The following SPDYE5 variants were observed in gnomAD, a reference collection of about 807,000 sequenced individuals.
SPDYE5 encodes speedy protein E5.
A neutral mutation model predicts 48.5 loss-of-function variants in SPDYE5; 15 were observed. That is an observed-to-expected ratio of 0.31 (90% CI 0.21 to 0.48). The LOEUF (loss-of-function observed/expected upper bound fraction) is 0.48, where lower values mean the gene tolerates loss of function less well. Among genes scored for constraint, SPDYE5 ranks in the 20% least tolerant of loss-of-function variants. The pLI is 0.99. For synonymous variants in SPDYE5, 116 were observed against 200.7 expected (o/e 0.58, Z 3.57); for missense variants, 331 against 549.1 (o/e 0.60, Z 3.97).
chr7:75,495,420 A>G (rs1365525851), intron 3 of SPDYE5, 46 bp downstream of exon 3: 4 of 1,592,000 alleles, frequency 2.5e-6, no homozygotes, highest in East Asian at 4.5e-5. Context: ...TTCTTTCTAA[A>G]AAGAGGAAAC....
chr7:75,501,785 T>A (rs1170267066), intron 7 of SPDYE5, 30 bp downstream of exon 7: 4 of 1,583,854 alleles, frequency 2.5e-6, no homozygotes, highest in Non-Finnish European at 3.4e-6. Flanking sequence ...GTGGAGGAGG[T>A]GGGGAGGAAT....
intron 3 of SPDYE5, among the ~76,000 whole-genome samples, chr7:75,495,981 G>A (rs587716196): frequency 7.1e-6 from 1 of 141,694 alleles, no homozygotes; most frequent in East Asian, 2.1e-4. Flanking sequence ...TTTGAGCCAA[G>A]ATAGCGCCAC....
intron 8 of SPDYE5, 137 bp downstream of exon 8, chr7:75,502,119 C>T: frequency 3.6e-6 from 4 of 1,097,118 alleles, no homozygotes; most frequent in Non-Finnish European, 5.1e-6. Flanking sequence ...AAAAATTAGC[C>T]AGGCGATGTG....
chr7:75,491,744 G>A (rs1319791090), upstream of SPDYE5, among the ~76,000 whole-genome samples: 7 of 110,392 alleles, frequency 6.3e-5, no homozygotes, highest in Non-Finnish European at 1.0e-4. Context: ...ATGGTGTCTC[G>A]CTCTGTCACC....
rs1255250525 is a variant in SPDYE5 at position 75,502,079 on chromosome 7, C to T, written c.*45+97C>T. 499 of 1,402,046 alleles carry T rather than the reference C, an allele frequency of 3.6e-4. 1 individual carries two copies. Among genetic ancestry groups the T allele is most frequent in the East Asian group, 7.3e-5 (3 of 41,000 alleles). The allele number at this position is 1,402,046 out of a possible 1,614,324, so 86.9% of individuals were successfully genotyped here. A position where few individuals can be genotyped will look rare whatever the true frequency, so the allele number is the denominator to read the frequency against. ...TTGATCCGGCTTCAAGCCTGGGCAA[C>T]GTGGCGAGATCCCCTCTCCACAAAA... On this transcript the variant is annotated intron_variant, in intron 8 of 8. Coordinates refer to ENST00000625065, the MANE Select transcript of SPDYE5 (RefSeq NM_001306141.4).
At chr7:75,495,404 A>G (rs782381783) in intron 3 of SPDYE5, 30 bp downstream of exon 3, 138 of 1,596,874 alleles carry the variant, frequency 8.6e-5, no homozygotes, top group Non-Finnish European at 1.1e-4. Context: ...AGCACCTCCA[A>G]TCCTGTTCTT....
rs1281089217 is a variant in SPDYE5 at position 75,503,096 on chromosome 7, A to T, written c.*309A>T. 183 of 521,702 alleles carry T rather than the reference A, an allele frequency of 3.5e-4. No individual in the cohort carries two copies. Among genetic ancestry groups the T allele is most frequent in the Non-Finnish European group, 5.5e-4 (152 of 278,874 alleles). The allele number at this position is 521,702 out of a possible 1,614,324, so 32.3% of individuals were successfully genotyped here. A position where few individuals can be genotyped will look rare whatever the true frequency, so the allele number is the denominator to read the frequency against. On this transcript the variant is annotated 3_prime_UTR_variant, in exon 9 of 9. Transcript: ENST00000625065. ...TTCCACCCTTTCCTGCAGCACCACC[A>T]CCCTTTCTATATTGCTGAATTCCAA...
chr7:75,500,761 T>C (rs1554483296), intron 6 of SPDYE5, among the ~76,000 whole-genome samples: 1 of 152,230 alleles, frequency 6.6e-6, no homozygotes, highest in Non-Finnish European at 1.5e-5. Context: ...CAGGCTGGAA[T>C]GGAGTGGCCC....
chr7:75,493,924 G>A lies in SPDYE5; in HGVS notation c.-124G>A, dbSNP rs587745357. On this transcript the variant is annotated 5_prime_UTR_variant, in exon 2 of 9. In the 5' UTR this introduces an upstream ATG that the reference lacks. Transcript: ENST00000625065. The stretch of plus-strand genomic sequence containing the variant: ...ATCCTGATTGGAGGGACCGGACTCC[G>A]TGGTGCCTGGAGATCAGTTGGACAA... 281 of 1,487,988 alleles carry A rather than the reference G, an allele frequency of 1.9e-4. No homozygotes were observed. The highest frequency in any genetic ancestry group is 5.6e-5 in the African/African-American group (4 of 71,578). 92.2% of individuals were successfully genotyped at this position (1,487,988 alleles called of 1,614,324 possible).
At chr7:75,502,337 G>A (rs1170578394) in intron 8 of SPDYE5, among the ~76,000 whole-genome samples, 8 of 151,162 alleles carry the variant, frequency 5.3e-5, no homozygotes, top group Non-Finnish European at 8.8e-5. Context: ...TTGGGTCGAG[G>A]GTTCAGTGAA....
rs1792883073 is a variant in SPDYE5 at position 75,495,283 on chromosome 7, G to A, written c.288G>A (p.Val96=). ...CTGAACCTGAGGAGACCTGGGTAGT[G>A]GAGATGCTGTGTGGGCTCAAGATGA... ...LAPEPEETWV[V]EMLCGLKMKL... Residue 96 remains valine (V), a synonymous_variant, in exon 3 of 9, where the codon GTG becomes GTA. Coordinates refer to ENST00000625065, the MANE Select transcript of SPDYE5 (RefSeq NM_001306141.4). 1 of 1,574,190 alleles carries A rather than the reference G, an allele frequency of 6.4e-7. No homozygotes were observed.
At chr7:75,502,063 C>T (rs1793180586) in intron 8 of SPDYE5, 81 bp downstream of exon 8, 10 of 1,466,044 alleles carry the variant, frequency 6.8e-6, no homozygotes, top group Non-Finnish European at 9.2e-6. Flanking sequence ...CTTGATCCGG[C>T]TTCAAGCCTG....
rs1485400623 is a variant in SPDYE5, at chr7:75,504,184, T to C, written c.*1397T>C. On this transcript the variant is annotated 3_prime_UTR_variant, in exon 9 of 9. Transcript: ENST00000625065. ...AATTTTTTACCTTGTTTTGGCATGT[T>C]TGTATGTTACTTTAAAGAGGATGTG... The C allele has an allele frequency of 1.3e-5, 2 of 152,184 alleles. No homozygotes were observed. The highest frequency in any genetic ancestry group is 4.8e-5 in the African/African-American group (2 of 41,432). The allele number at this position is 152,184 out of a possible 1,614,324, so 9.4% of individuals were successfully genotyped here.
At chr7:75,498,165 C>T (rs1216549939) in intron 5 of SPDYE5, among the ~76,000 whole-genome samples, 169 bp downstream of exon 5, 4 of 136,482 alleles carry the variant, frequency 2.9e-5, no homozygotes, top group Admixed American at 1.6e-4. Context: ...TGCTCTGTTG[C>T]CCATGCTGGA....
At chr7:75,502,704 A>G in intron 8 of SPDYE5, 129 bp from the exon 9 acceptor site, 1 of 1,155,444 alleles carries the variant, frequency 8.7e-7, no homozygotes, top group Non-Finnish European at 1.1e-6. Flanking sequence ...CAGGGTATAG[A>G]ATGAAAGGCA....
chr7:75,491,943 G>A (rs1554481808), upstream of SPDYE5, among the ~76,000 whole-genome samples: 1 of 151,718 alleles, frequency 6.6e-6, no homozygotes, highest in Non-Finnish European at 1.5e-5. Flanking sequence ...TCGAACTTCT[G>A]ACCTCTGGTG....
Position 75,493,599 on chromosome 7 carries a change from T to G in SPDYE5, c.-421-28T>G, listed in dbSNP as rs587650941. Reference sequence around the variant, plus strand: ...ATCGTTTCTGCTTACCCTAGTTTTCTTTCCCACTCTGTTCCCTCTCCCACC... The same window carrying G: ...ATCGTTTCTGCTTACCCTAGTTTTCGTTCCCACTCTGTTCCCTCTCCCACC... On this transcript the variant is annotated intron_variant, in intron 1 of 8. Coordinates refer to ENST00000625065, the MANE Select transcript of SPDYE5 (RefSeq NM_001306141.4). 3.6e-4 allele frequency: 435 copies of G among 1,217,192 alleles called. 2 individuals carry two copies. The African/African-American group carries it at 5.3e-3, about 15-fold the overall frequency. 75.4% of individuals were successfully genotyped at this position (1,217,192 alleles called of 1,614,324 possible). A position where few individuals can be genotyped will look rare whatever the true frequency, so the allele number is the denominator to read the frequency against.
chr7:75,502,378 C>A (rs587696921), intron 8 of SPDYE5, among the ~76,000 whole-genome samples: 1 of 151,954 alleles, frequency 6.6e-6, no homozygotes. Context: ...CAGCTAACCA[C>A]GGTGAGCACA....
At chr7:75,496,404 CAAAAAAAA>C (rs1175143877) in intron 3 of SPDYE5, among the ~76,000 whole-genome samples, 1,131 of 27,502 alleles carry the variant, frequency 0.041, 34 homozygotes, top group African/African-American at 0.13. Context: ...ACAACAACAA[CAAAAAAAA>C]AAAAAAAAAA....
Sources: allele counts gnomAD v4.1 joint callset (sites outside exome capture counted in the v4.1 genomes callset), GRCh38; gene constraint gnomAD v4.1.1; transcripts MANE v1.5; gene names NCBI Gene and HGNC (gene_info 2026-07-23, HGNC 2026-07-21).